Variants in TSPAN18 observed in about 807,000 individuals in gnomAD.
TSPAN18 encodes the protein tetraspanin 18, also known as tetraspanin-18.
Under a neutral mutation model 27.3 loss-of-function variants are expected in TSPAN18, and 14 were observed. The observed-to-expected ratio is 0.51, with a 90% CI of 0.34 to 0.80. The LOEUF (loss-of-function observed/expected upper bound fraction) is 0.80, where lower values mean the gene tolerates loss of function less well. Among genes scored for constraint, TSPAN18 ranks in the 30% least tolerant of loss-of-function variants. TSPAN18 has a pLI of 0.01. For missense variants in TSPAN18, 268 were observed against 323.9 expected (o/e 0.83, Z 1.32); for synonymous variants, 143 against 136.5 (o/e 1.05, Z -0.33).
intron 2 of TSPAN18, among the ~76,000 whole-genome samples, chr11:44,799,020 AC>A (rs1246991072): frequency 8.9e-5 from 8 of 89,552 alleles, no homozygotes; most frequent in African/African-American, 3.2e-4. Flanking sequence ...CATGCTCTGC[AC>A]CCCACCCCCT....
chr11:44,738,915 A>G (rs972766824), intron 1 of TSPAN18, among the ~76,000 whole-genome samples: 13 of 152,186 alleles, frequency 8.5e-5, no homozygotes, highest in African/African-American at 3.1e-4. Flanking sequence ...CTGCTGAACA[A>G]GTATAGGAGT....
intron 8 of TSPAN18, among the ~76,000 whole-genome samples, chr11:44,922,365 C>T (rs1860175062): frequency 6.6e-6 from 1 of 152,212 alleles, no homozygotes; most frequent in African/African-American, 2.4e-5. Context: ...ATGATCCACC[C>T]TCTTGGCCTC....
At chr11:44,789,219 A>T (rs1856133615) in intron 2 of TSPAN18, among the ~76,000 whole-genome samples, 1 of 152,208 alleles carries the variant, frequency 6.6e-6, no homozygotes, top group African/African-American at 2.4e-5. Context: ...ATCATCAGAG[A>T]AGCTGAGGTT....
chr11:44,865,042 C>G (rs835749), intron 3 of TSPAN18, among the ~76,000 whole-genome samples: 36,180 of 152,212 alleles, frequency 0.24, 4,764 homozygotes, highest in East Asian at 0.55. Flanking sequence ...GGTGGTTGGA[C>G]ATACCAATCT....
chr11:44,919,303 C>A lies in TSPAN18; in HGVS notation c.423C>A (p.Val141=). ...TCTTCTCTGCCACCTGGAACTCGGT[C>A]ATGATCACAGTGAGTGACGCCCCAG... ...TDVFSATWNS[V]MITFGCCGVN... is the part of the protein sequence containing the mutation. Residue 141 remains valine, a synonymous_variant, in exon 7 of 10, where the codon GTC becomes GTA. Transcript: ENST00000520358. The A allele has an allele frequency of 1.2e-6, 2 of 1,613,758 alleles. No individual in the cohort carries two copies. The highest frequency in any genetic ancestry group is 2.2e-5 in the South Asian group (2 of 90,990).
chr11:44,731,730 T>C (rs1052868407), intron 1 of TSPAN18, among the ~76,000 whole-genome samples: 2 of 151,778 alleles, frequency 1.3e-5, no homozygotes, highest in Admixed American at 6.6e-5. Context: ...CTCTGCCTCA[T>C]TGAGGGACTC....
At chr11:44,808,711 G>A (rs982606391) in intron 2 of TSPAN18, among the ~76,000 whole-genome samples, 2 of 152,126 alleles carry the variant, frequency 1.3e-5, no homozygotes, top group Non-Finnish European at 2.9e-5. Flanking sequence ...ATAATTTAAC[G>A]TTTCTTGGAA....
intron 2 of TSPAN18, among the ~76,000 whole-genome samples, chr11:44,778,799 T>C (rs1855872002): frequency 6.6e-6 from 1 of 152,066 alleles, no homozygotes; most frequent in African/African-American, 2.4e-5. Context: ...CAGTCTGTGG[T>C]TCTTAGAACC....
At chr11:44,759,472 T>A (rs1855402355) in intron 1 of TSPAN18, among the ~76,000 whole-genome samples, 1 of 151,970 alleles carries the variant, frequency 6.6e-6, no homozygotes, top group Non-Finnish European at 1.5e-5. Context: ...TAGTTGAGGG[T>A]CATTCATTCT....
At chr11:44,801,764 G>T (rs1311902888) in intron 2 of TSPAN18, among the ~76,000 whole-genome samples, 1 of 152,164 alleles carries the variant, frequency 6.6e-6, no homozygotes, top group Non-Finnish European at 1.5e-5. Flanking sequence ...GGCTTTAGTG[G>T]CTCACACCTG....
chr11:44,814,033 A>G (rs1037804544), intron 2 of TSPAN18, among the ~76,000 whole-genome samples: 6 of 152,262 alleles, frequency 3.9e-5, no homozygotes, highest in Non-Finnish European at 7.3e-5. Flanking sequence ...AAGCCCAAAT[A>G]GAAAACAGAC....
At chr11:44,912,819 G>A (rs779277461) in intron 5 of TSPAN18, among the ~76,000 whole-genome samples, 4 of 149,362 alleles carry the variant, frequency 2.7e-5, no homozygotes, top group African/African-American at 9.9e-5. Flanking sequence ...TACGTGCATG[G>A]GCGTTACATG....
chr11:44,832,622 A>G (rs1219290072), intron 2 of TSPAN18, among the ~76,000 whole-genome samples: 1 of 152,040 alleles, frequency 6.6e-6, no homozygotes, highest in Admixed American at 6.5e-5. Context: ...GGAGGGATCT[A>G]TTTCTCTGCG....
chr11:44,737,562 A>C (rs1263646289), intron 1 of TSPAN18, among the ~76,000 whole-genome samples: 1 of 152,224 alleles, frequency 6.6e-6, no homozygotes, highest in African/African-American at 2.4e-5. Flanking sequence ...AGTTAACTCT[A>C]AAGTTCCCAC....
rs1045577594 is a variant in TSPAN18 at position 44,904,544 on chromosome 11, C to A, written c.-10-1863C>A. Among the ~76,000 whole-genome samples the A allele has an allele frequency of 2.6e-5, 4 of 152,246 alleles. No homozygotes were observed. The South Asian group carries it at 6.2e-4, about 24-fold the overall frequency. ...AGGCACCACCCCTGAGACCAGGAAC[C>A]TTTCCTGTGTCGACTCCCCACCAGC... On this transcript the variant is annotated intron_variant, in intron 3 of 9. Transcript: ENST00000520358.
intron 2 of TSPAN18, among the ~76,000 whole-genome samples, chr11:44,810,854 C>T (rs1424116792): frequency 1.3e-5 from 2 of 151,974 alleles, no homozygotes; most frequent in Non-Finnish European, 2.9e-5. Context: ...AGTGATCTGC[C>T]CGCCGTGGCC....
Position 44,926,670 on chromosome 11 carries a change from C to CCTGTTA in TSPAN18, c.616-3_616-2insTGTTAC. On this transcript the variant is annotated splice_region_variant and splice_polypyrimidine_tract_variant and intron_variant, in intron 8 of 9. Coordinates refer to ENST00000520358, the MANE Select transcript of TSPAN18 (RefSeq NM_130783.5). ...TAGCTTGACCTCTCATCCCTCCCTC[C>CCTGTTA]CAGGGCTGTTACACGGTGATCCTCA... 6.2e-7 allele frequency: 1 copy of CCTGTTA among 1,614,070 alleles called. No individual in the cohort carries two copies. Among genetic ancestry groups the CCTGTTA allele is most frequent in the Non-Finnish European group, 8.5e-7 (1 of 1,179,938 alleles).
At chr11:44,910,567 G>C (rs1859671475) in intron 5 of TSPAN18, among the ~76,000 whole-genome samples, 1 of 152,212 alleles carries the variant, frequency 6.6e-6, no homozygotes, top group South Asian at 2.1e-4. Context: ...CCACTTGCTT[G>C]CTATTAAAAA....
intron 3 of TSPAN18, among the ~76,000 whole-genome samples, chr11:44,899,954 C>T (rs1468434820): frequency 6.6e-6 from 1 of 152,190 alleles, no homozygotes; most frequent in Admixed American, 6.5e-5. Flanking sequence ...TTCTAAGTGC[C>T]GCTTTTTTGA....
Sources: allele counts gnomAD v4.1 joint callset (sites outside exome capture counted in the v4.1 genomes callset), GRCh38; gene constraint gnomAD v4.1.1; transcripts MANE v1.5; gene names NCBI Gene and HGNC (gene_info 2026-07-23, HGNC 2026-07-21).